DAB2IP: variants seen among roughly 807,000 people sequenced by gnomAD.
The protein encoded by DAB2IP is disabled homolog 2-interacting protein.
A neutral mutation model predicts 107.2 loss-of-function variants in DAB2IP; 28 were observed. The ratio of observed to expected loss-of-function variants is 0.26; its 90% CI spans 0.19 to 0.36. The LOEUF is 0.36. DAB2IP is among the 10% of genes least tolerant of loss of function. DAB2IP has a pLI of 1.00. For missense variants in DAB2IP, 1,400 were observed against 1,644.7 expected (o/e 0.85, Z 2.57); for synonymous variants, 755 against 706.4 (o/e 1.07, Z -1.09).
At chr9:121,732,084 C>T (rs1380025153) in intron 3 of DAB2IP, among the ~76,000 whole-genome samples, 3 of 152,072 alleles carry the variant, frequency 2.0e-5, no homozygotes, top group African/African-American at 4.8e-5. Flanking sequence ...TTGATCCCGG[C>T]GTCTTGTACA....
intron 3 of DAB2IP, among the ~76,000 whole-genome samples, chr9:121,715,133 G>T (rs1033918353): frequency 6.6e-6 from 1 of 152,162 alleles, no homozygotes; most frequent in Non-Finnish European, 1.5e-5. Flanking sequence ...GGCACTTGCT[G>T]CCCTGAGGGT....
rs540420702 is a variant in DAB2IP, at chr9:121,599,305, C to T, written c.40+32077C>T. Among the ~76,000 whole-genome samples the T allele has an allele frequency of 1.4e-3, 208 of 152,226 alleles. 1 individual carries two copies. Among genetic ancestry groups the T allele is most frequent in the African/African-American group, 4.7e-3 (194 of 41,578 alleles). On this transcript the variant is annotated intron_variant, in intron 1 of 16. Transcript: ENST00000259371. The surrounding 1 kb of genome is among the most constrained non-coding windows in gnomAD (Gnocchi z 6.9). ...AGGGGGCGTGTGGTCCCGCCGGCAT[C>T]TCGGGCCGGCACCAGGCTGGGGAGC...
rs2118950474 is a variant in DAB2IP, at chr9:121,599,914, T to C, written c.40+32686T>C. 6.6e-6 allele frequency among the ~76,000 whole-genome samples: 1 copy of C among 152,164 alleles called. No homozygotes were observed. The highest frequency in any genetic ancestry group is 1.9e-4 in the East Asian group (1 of 5,144). ...GGAATGGGCGGCGACTTTGCTTTAT[T>C]TACCCCGCTTTTCCCCTACAGTCCC... On this transcript the variant is annotated intron_variant, in intron 1 of 16. Coordinates refer to the DAB2IP transcript ENST00000259371. This position sits in a 1 kb window ranked among gnomAD's most constrained non-coding sequence, Gnocchi z 6.9.
Position 121,615,826 on chromosome 9 carries a change from A to G in DAB2IP, c.40+48598A>G, listed in dbSNP as rs540042998. ...TTTTTAGTAGAGACAGGGCCTCACC[A>G]TATTGACCAGGCTGGTCTCGAACTC... On this transcript the variant is annotated intron_variant, in intron 1 of 16. Transcript: ENST00000259371. Among the ~76,000 whole-genome samples the G allele has an allele frequency of 1.4e-4, 21 of 152,018 alleles. 1 individual carries two copies. The South Asian group carries it at 4.4e-3, about 32-fold the overall frequency.
Position 121,699,602 on chromosome 9 carries a change from GC to G in DAB2IP, c.362+146del. 1.4e-6 allele frequency: 1 copy of G among 702,472 alleles called. No individual in the cohort carries two copies. The highest frequency in any genetic ancestry group is 1.9e-6 in the Non-Finnish European group (1 of 538,128). The allele number at this position is 702,472 out of a possible 1,614,324, so 43.5% of individuals were successfully genotyped here. On this transcript the variant is annotated intron_variant, in intron 3 of 15. Transcript: ENST00000408936. This position sits in a 1 kb window ranked among gnomAD's most constrained non-coding sequence, Gnocchi z 6.2. The stretch of plus-strand genomic sequence containing the variant: ...ACGCCGCCCGCCGGGAACTTATGGG[GC>G]CACCTCGGCCGGACTAGGGGGCCCG...
chr9:121,585,876 T>C (rs1358090076), intron 1 of DAB2IP, among the ~76,000 whole-genome samples: 1 of 151,292 alleles, frequency 6.6e-6, no homozygotes, highest in Non-Finnish European at 1.5e-5. Context: ...GGTTAATGAA[T>C]GAATGTAAGA....
In DAB2IP at chr9:121,599,307, C is replaced by T. The variant is rs1042653979; in HGVS notation, c.40+32079C>T. 3.9e-5 allele frequency among the ~76,000 whole-genome samples: 6 copies of T among 152,098 alleles called. No homozygotes were observed. The East Asian group carries it at 9.7e-4, about 24-fold the overall frequency. Reference sequence around the variant, plus strand: ...GGGGCGTGTGGTCCCGCCGGCATCTCGGGCCGGCACCAGGCTGGGGAGCGT... The same window carrying T: ...GGGGCGTGTGGTCCCGCCGGCATCTTGGGCCGGCACCAGGCTGGGGAGCGT... On this transcript the variant is annotated intron_variant, in intron 1 of 16. Coordinates refer to the DAB2IP transcript ENST00000259371. This position sits in a 1 kb window ranked among gnomAD's most constrained non-coding sequence, Gnocchi z 6.9.
In DAB2IP at chr9:121,676,653, T is replaced by TCA. The variant is rs1381082275; in HGVS notation, c.125-2015_125-2014dup. Among the ~76,000 whole-genome samples, 789 of 85,044 alleles carry TCA rather than the reference T, an allele frequency of 9.3e-3. 5 individuals are homozygous for TCA. Among genetic ancestry groups the TCA allele is most frequent in the African/African-American group, 0.041 (749 of 18,062 alleles). 55.8% of individuals were successfully genotyped at this position (85,044 alleles called of 152,430 possible). On this transcript the variant is annotated intron_variant, in intron 1 of 15. Transcript: ENST00000408936. ...TGCAGACGCACACACACACACACAC[T>TCA]CACACACACACGCACACACACTGCA...
chr9:121,755,919 C>A (rs1833446188), intron 3 of DAB2IP, among the ~76,000 whole-genome samples: 1 of 152,156 alleles, frequency 6.6e-6, no homozygotes, highest in Non-Finnish European at 1.5e-5. Context: ...GAATGATGGA[C>A]TGAGCACTTG....
chr9:121,740,116 G>T (rs528536997), intron 3 of DAB2IP, among the ~76,000 whole-genome samples: 1 of 152,170 alleles, frequency 6.6e-6, no homozygotes, highest in Non-Finnish European at 1.5e-5. Flanking sequence ...AAAGAAGTGC[G>T]TGAGGACCCA....
rs117152313 is a variant in DAB2IP, at chr9:121,782,418, C to A, written c.3490C>A (p.Arg1164Ser). Residue 1164 changes from arginine (R) to serine (S), a missense_variant, in exon 16 of 16, where the codon CGT becomes AGT. Around this residue, in one of 3 missense-constraint regions of DAB2IP, gnomAD observed 600 missense variants for 659.1 expected, o/e 0.91. Transcript: ENST00000408936. This position sits in a 1 kb window ranked among gnomAD's most constrained non-coding sequence, Gnocchi z 6.1. Reference sequence around the variant, plus strand: ...GAAAGAGAGGTACAGCATGCAAGCCCGTAACGGCATCTCCCCCACCAACCC... The same window carrying A: ...GAAAGAGAGGTACAGCATGCAAGCCAGTAACGGCATCTCCCCCACCAACCC... 6.2e-7 allele frequency: 1 copy of A among 1,614,116 alleles called. No individual in the cohort carries two copies. The highest frequency in any genetic ancestry group is 1.1e-5 in the South Asian group (1 of 91,082).
intron 1 of DAB2IP, among the ~76,000 whole-genome samples, chr9:121,582,510 C>T (rs1411687763): frequency 6.6e-6 from 1 of 152,074 alleles, no homozygotes; most frequent in Non-Finnish European, 1.5e-5. Context: ...GCAGGTCTGG[C>T]CCCACATCCC....
chr9:121,610,363 C>T (rs1831049525), intron 1 of DAB2IP, among the ~76,000 whole-genome samples: 1 of 152,178 alleles, frequency 6.6e-6, no homozygotes, highest in Non-Finnish European at 1.5e-5. Flanking sequence ...CATGGACCAG[C>T]CACTCGGCTC....
chr9:121,597,026 T>C (rs1056833019), intron 1 of DAB2IP, among the ~76,000 whole-genome samples: 1 of 152,240 alleles, frequency 6.6e-6, no homozygotes, highest in Non-Finnish European at 1.5e-5. Context: ...ATGTTTCTTT[T>C]TCTGTGAATT....
intron 9 of DAB2IP, 25 bp downstream of exon 9, chr9:121,766,755 C>G: frequency 1.2e-6 from 2 of 1,610,712 alleles, no homozygotes; most frequent in Non-Finnish European, 1.7e-6. Flanking sequence ...CCTCACCAGG[C>G]AGAGTTGGGC....
intron 1 of DAB2IP, among the ~76,000 whole-genome samples, chr9:121,591,785 G>A (rs1331462020): frequency 1.3e-5 from 2 of 152,208 alleles, no homozygotes; most frequent in Admixed American, 1.3e-4. Flanking sequence ...GCCATGGCCT[G>A]GGTGTAGTTC....
chr9:121,672,629 G>T (rs1472796510), intron 1 of DAB2IP, among the ~76,000 whole-genome samples: 1 of 152,348 alleles, frequency 6.6e-6, no homozygotes, highest in East Asian at 1.9e-4. Context: ...TCCAGGATCA[G>T]CTGGTCCCAT....
At chr9:121,579,107 A>T (rs1162236782) in intron 1 of DAB2IP, among the ~76,000 whole-genome samples, 1 of 152,044 alleles carries the variant, frequency 6.6e-6, no homozygotes, top group Non-Finnish European at 1.5e-5. Context: ...TCTGCCCCTT[A>T]CCAGGGGAAA....
intron 2 of DAB2IP, among the ~76,000 whole-genome samples, chr9:121,690,477 G>C (rs1366798366): frequency 1.3e-5 from 2 of 152,176 alleles, no homozygotes; most frequent in African/African-American, 4.8e-5. Flanking sequence ...CTGATGAGGT[G>C]TTTGTAGCCA....
Sources: gnomAD v4.1 joint callset for allele counts (sites outside exome capture counted in the v4.1 genomes callset) on GRCh38, gnomAD v4.1.1 for gene constraint, gnomAD v4.1.1 regional missense constraint, Gnocchi (gnomAD v3.1) non-coding constraint, MANE v1.5 for transcripts, NCBI Gene and HGNC (gene_info 2026-07-23, HGNC 2026-07-21) for gene names.